TMPRSS7: variants seen among roughly 807,000 people sequenced by gnomAD.
TMPRSS7 encodes transmembrane serine protease 7.
In TMPRSS7, 81 loss-of-function variants were observed where a neutral mutation model predicts 95.6. The observed-to-expected ratio is 0.85, with a 90% CI of 0.71 to 1.02. TMPRSS7 has a LOEUF of 1.02. Ranked by LOEUF, TMPRSS7 falls within the 50% of genes least tolerant of loss-of-function variation. The probability of loss-of-function intolerance (pLI) is 0.00; values close to 1 mark genes in which losing one functional copy is unlikely to be tolerated. For missense variants in TMPRSS7, 945 were observed against 955.2 expected (o/e 0.99, Z 0.14); for synonymous variants, 364 against 337.8 (o/e 1.08, Z -0.85).
intron 2 of TMPRSS7, chr3:112,039,532 G>A (rs2073184267): frequency 6.6e-6 from 1 of 152,166 alleles, no homozygotes; most frequent in South Asian, 2.1e-4. Context: ...AGAGGGGGCT[G>A]AAGATTGAGC....
chr3:112,060,213 G>A (rs111918419), intron 10 of TMPRSS7, among the ~76,000 whole-genome samples: 6,484 of 152,228 alleles, frequency 0.043, 415 homozygotes, highest in African/African-American at 0.14. Context: ...CAAGGCAAAT[G>A]GAGGCAGGGC....
chr3:112,038,575 A>G (rs1198632031), intron 2 of TMPRSS7, among the ~76,000 whole-genome samples: 1 of 152,096 alleles, frequency 6.6e-6, no homozygotes, highest in African/African-American at 2.4e-5. Context: ...GGCTCAAGCA[A>G]TCCTGCTGCC....
chr3:112,078,784 T>C (rs370938233), exon 17 of TMPRSS7: 20 of 1,614,072 alleles, frequency 1.2e-5, no homozygotes, highest in East Asian at 2.2e-5. Context: ...GAGGTAGAGC[T>C]CATTGATCAA....
At chr3:112,057,390 G>A (rs948278138) in intron 10 of TMPRSS7, among the ~76,000 whole-genome samples, 1 of 152,192 alleles carries the variant, frequency 6.6e-6, no homozygotes, top group African/African-American at 2.4e-5. Flanking sequence ...CTTCACAAGA[G>A]TATTTGGCAG....
rs761317148 is a variant in TMPRSS7, at chr3:112,042,048, G to A, written c.427G>A (p.Val143Met). 7 of 1,551,566 alleles carry A rather than the reference G, an allele frequency of 4.5e-6. No homozygotes were observed. The South Asian group carries it at 7.1e-5, about 16-fold the overall frequency. ...TTCAGTGTCACGGACTGTGCAGCAA[G>A]TGGTGAGGCGATGGAGGTAGAGGGT... Residue 143 changes from valine (V) to methionine (M), a missense_variant and splice_region_variant, in exon 3 of 18, where the codon GTG becomes ATG. Physicochemically the swap from Val to Met is conservative, Grantham distance 21. Transcript: ENST00000452346.
chr3:112,047,709 AAAT>A, intron 6 of TMPRSS7, 27 bp from the exon 7 acceptor site: 2 of 1,501,090 alleles, frequency 1.3e-6, no homozygotes, highest in Non-Finnish European at 1.8e-6. Flanking sequence ...AAAAAAAAGA[AAAT>A]AAAGGAAAAT....
intron 9 of TMPRSS7, 90 bp from the exon 10 acceptor site, chr3:112,056,935 A>T: frequency 2.3e-6 from 2 of 862,478 alleles, no homozygotes; most frequent in Non-Finnish European, 3.7e-6. Flanking sequence ...GGGCGCAAGT[A>T]GAATGGCCTT....
At chr3:112,063,974 G>T (rs1028395458) in intron 12 of TMPRSS7, among the ~76,000 whole-genome samples, 2 of 152,182 alleles carry the variant, frequency 1.3e-5, no homozygotes, top group Non-Finnish European at 2.9e-5. Context: ...AAGGAAAAGA[G>T]GGGAGAGCAG....
chr3:112,037,323 T>A (rs1408955395), intron 1 of TMPRSS7, among the ~76,000 whole-genome samples: 1 of 152,214 alleles, frequency 6.6e-6, no homozygotes, highest in Non-Finnish European at 1.5e-5. Context: ...TAGGAGTGTC[T>A]GCCTTATGCA....
chr3:112,081,188 G>A (rs148130890), downstream of TMPRSS7: 124 of 1,148,108 alleles, frequency 1.1e-4, no homozygotes, highest in African/African-American at 1.8e-3. Flanking sequence ...ATCCCAGCAC[G>A]TTGGGAGGCC....
At chr3:112,071,349 C>A (rs1015555439) in intron 13 of TMPRSS7, among the ~76,000 whole-genome samples, 1 of 152,132 alleles carries the variant, frequency 6.6e-6, no homozygotes, top group Non-Finnish European at 1.5e-5. Context: ...TTGTGGGTAA[C>A]CTGACCTTTG....
At chr3:112,047,698 A>C (rs1306947036) in intron 6 of TMPRSS7, 41 bp from the exon 7 acceptor site, 1 of 1,333,038 alleles carries the variant, frequency 7.5e-7, no homozygotes. Context: ...AGTCATTCCT[A>C]AAAAAAAAGA....
Position 112,075,378 on chromosome 3 carries a change from AG to A in TMPRSS7, c.1847del (p.Gly616ValfsTer62). The A allele has an allele frequency of 2.6e-6, 4 of 1,517,640 alleles. No individual in the cohort carries two copies. Among genetic ancestry groups the A allele is most frequent in the Admixed American group, 2.0e-5 (1 of 49,430 alleles). 94.0% of individuals were successfully genotyped at this position (1,517,640 alleles called of 1,614,324 possible). A position where few individuals can be genotyped will look rare whatever the true frequency, so the allele number is the denominator to read the frequency against. ...ATCATCGGAGGCACAGACACCCTGG[AG>A]GGGGGTTGGCCGTGGCAGGTCAGCC... On this transcript the variant is annotated frameshift_variant, in exon 15 of 18. Coordinates refer to ENST00000452346, the Ensembl canonical transcript of TMPRSS7. LOFTEE classifies it high-confidence loss of function.
chr3:112,047,708 A>T, intron 6 of TMPRSS7, 31 bp from the exon 7 acceptor site: 1 of 1,486,562 alleles, frequency 6.7e-7, no homozygotes. Flanking sequence ...AAAAAAAAAG[A>T]AAATAAAGGA....
chr3:112,048,141 A>G (rs2073302618), intron 7 of TMPRSS7, among the ~76,000 whole-genome samples, 174 bp downstream of exon 7: 1 of 152,132 alleles, frequency 6.6e-6, no homozygotes, highest in Non-Finnish European at 1.5e-5. Flanking sequence ...CCCTCGCCAG[A>G]GCCTATCAGT....
chr3:112,072,659 A>G (rs2073664412), intron 13 of TMPRSS7, among the ~76,000 whole-genome samples: 1 of 152,104 alleles, frequency 6.6e-6, no homozygotes, highest in Non-Finnish European at 1.5e-5. Flanking sequence ...TTGTTTACCT[A>G]CTCAAGCCTC....
intron 15 of TMPRSS7, 27 bp from the exon 16 acceptor site, chr3:112,076,849 C>T (rs778056830): frequency 5.6e-6 from 9 of 1,605,340 alleles, no homozygotes; most frequent in African/African-American, 1.3e-5. Context: ...AAGCTGCTAA[C>T]TTTATGTTTC....
intron 10 of TMPRSS7, among the ~76,000 whole-genome samples, 165 bp downstream of exon 10, chr3:112,057,296 G>A (rs538348224): frequency 1.3e-5 from 2 of 152,348 alleles, no homozygotes; most frequent in African/African-American, 4.8e-5. Context: ...CATGAGTGAT[G>A]GAGGCAGGAT....
intron 2 of TMPRSS7, among the ~76,000 whole-genome samples, chr3:112,040,098 G>A (rs1443575493): frequency 6.6e-6 from 1 of 151,520 alleles, no homozygotes; most frequent in African/African-American, 2.4e-5. Flanking sequence ...AGTTTTCCTA[G>A]ATGTACTCTC....
Sources: gnomAD v4.1 joint callset for allele counts (sites outside exome capture counted in the v4.1 genomes callset) on GRCh38, gnomAD v4.1.1 for gene constraint, MANE v1.5 for transcripts, NCBI Gene and HGNC (gene_info 2026-07-23, HGNC 2026-07-21) for gene names.